The following PTPRD variants were observed in gnomAD, a reference collection of about 807,000 sequenced individuals.
PTPRD encodes protein tyrosine phosphatase receptor type D, also known as receptor-type tyrosine-protein phosphatase delta.
In PTPRD, 34 loss-of-function variants were observed where a neutral mutation model predicts 214.5. The ratio of observed to expected loss-of-function variants is 0.16; its 90% CI spans 0.12 to 0.21. The LOEUF (loss-of-function observed/expected upper bound fraction) is 0.21, where lower values mean the gene tolerates loss of function less well. Ranked by LOEUF, PTPRD falls within the 10% of genes least tolerant of loss-of-function variation. The probability of loss-of-function intolerance (pLI) is 1.00; values close to 1 mark genes in which losing one functional copy is unlikely to be tolerated. For synonymous variants in PTPRD, 1,128 were observed against 845.7 expected (o/e 1.33, Z -5.79); for missense variants, 2,545 against 2,398.7 (o/e 1.06, Z -1.27).
intron 7 of PTPRD, among the ~76,000 whole-genome samples, chr9:9,607,738 CTG>C (rs1246775148): frequency 7.6e-6 from 1 of 132,122 alleles, no homozygotes; most frequent in Non-Finnish European, 1.6e-5. Context: ...AAAGAATAGA[CTG>C]TTAGTAAAAA....
intron 3 of PTPRD, among the ~76,000 whole-genome samples, chr9:10,321,691 C>T (rs2096555607): frequency 6.6e-6 from 1 of 151,782 alleles, no homozygotes; most frequent in African/African-American, 2.4e-5. Context: ...TTAAAAGAAA[C>T]AATGGTGGGA....
At chr9:8,448,338 T>C (rs62534020) in intron 34 of PTPRD, among the ~76,000 whole-genome samples, 26,904 of 151,800 alleles carry the variant, frequency 0.18, 2,512 homozygotes, top group African/African-American at 0.2. Context: ...AAAAAACCCA[T>C]CAATCAAACA....
chr9:9,069,899 C>G (rs2099741245), intron 10 of PTPRD, among the ~76,000 whole-genome samples: 1 of 152,100 alleles, frequency 6.6e-6, no homozygotes, highest in South Asian at 2.1e-4. Flanking sequence ...TGAGGATCAT[C>G]TATTGCTTAT....
chr9:9,195,492 G>C (rs977955382), intron 9 of PTPRD, among the ~76,000 whole-genome samples: 4 of 152,066 alleles, frequency 2.6e-5, no homozygotes, highest in African/African-American at 7.2e-5. Flanking sequence ...ATTAAGTAGG[G>C]ACTGTGCTGG....
chr9:9,995,757 C>T (rs570571243), intron 4 of PTPRD, among the ~76,000 whole-genome samples: 79 of 152,222 alleles, frequency 5.2e-4, no homozygotes, highest in African/African-American at 1.8e-3. Flanking sequence ...CCCTGTCAGA[C>T]ATGTTTATTG....
At chr9:9,833,044 G>C (rs2055443575) in intron 5 of PTPRD, among the ~76,000 whole-genome samples, 1 of 151,936 alleles carries the variant, frequency 6.6e-6, no homozygotes, top group Non-Finnish European at 1.5e-5. Context: ...AGAAATTCAT[G>C]GTTCCTCTAA....
At position 8,836,587 on chromosome 9, in the gene PTPRD, C is replaced by CTTTTT. The variant is rs34572407; in HGVS notation, c.-103-102646_-103-102642dup. Among the ~76,000 whole-genome samples the CTTTTT allele has an allele frequency of 1.1e-3, 75 of 66,814 alleles. 7 individuals carry two copies. Among genetic ancestry groups the CTTTTT allele is most frequent in the South Asian group, 1.3e-3 (2 of 1,514 alleles). 43.8% of individuals were successfully genotyped at this position (66,814 alleles called of 152,430 possible). The stretch of plus-strand genomic sequence containing the variant: ...TTAAGTTCAGAGTATTAATAAAAAC[C>CTTTTT]TTTTTTTTTTTTTTTTTTTTTTTTT... On this transcript the variant is annotated intron_variant, in intron 11 of 45. Coordinates refer to ENST00000381196, the MANE Select transcript of PTPRD (RefSeq NM_002839.4).
chr9:8,571,318 T>A lies in PTPRD; in HGVS notation c.353-42539A>T, dbSNP rs535099905. ...AGCTGATTCCAACAAAAACAAAGCT[T>A]CATAGCTAACAATTACACGCTATTT... is the stretch of plus-strand genomic sequence containing the variant. On this transcript the variant is annotated intron_variant, in intron 14 of 45. Coordinates refer to ENST00000381196, the MANE Select transcript of PTPRD (RefSeq NM_002839.4). Among the ~76,000 whole-genome samples, 31 of 152,224 alleles carry A rather than the reference T, an allele frequency of 2.0e-4. 1 individual carries two copies. The East Asian group carries it at 6.0e-3, about 29-fold the overall frequency.
In PTPRD at chr9:8,624,271, T is replaced by C. The variant is rs575904354; in HGVS notation, c.352+9046A>G. 2.6e-4 allele frequency among the ~76,000 whole-genome samples: 39 copies of C among 152,082 alleles called. No homozygotes were observed. The East Asian group carries it at 7.6e-3, about 30-fold the overall frequency. On this transcript the variant is annotated intron_variant, in intron 14 of 45. Transcript: ENST00000381196. ...TGTGTACTAGCATAGCACCAATAAA[T>C]GATTTTCAGTCTTTCAAAATAACTT...
chr9:9,346,761 C>G (rs2048969890), intron 9 of PTPRD, among the ~76,000 whole-genome samples: 1 of 151,928 alleles, frequency 6.6e-6, no homozygotes, highest in Non-Finnish European at 1.5e-5. Flanking sequence ...GGCTCTATCT[C>G]AGCTCACTGC....
intron 14 of PTPRD, among the ~76,000 whole-genome samples, chr9:8,568,527 T>G (rs2090114121): frequency 6.6e-6 from 1 of 152,172 alleles, no homozygotes. Flanking sequence ...GAAAGGCTGA[T>G]TATTAACCTT....
At chr9:9,419,166 A>AC (rs1209794993) in intron 8 of PTPRD, among the ~76,000 whole-genome samples, 1 of 94,176 alleles carries the variant, frequency 1.1e-5, no homozygotes, top group South Asian at 3.6e-4. Flanking sequence ...CACACACACA[A>AC]GCATGATATA....
At chr9:8,485,087 C>T (rs369577583) in intron 29 of PTPRD, 140 bp downstream of exon 29, 30 of 659,412 alleles carry the variant, frequency 4.5e-5, no homozygotes, top group African/African-American at 3.3e-4. Flanking sequence ...AAACTGTCTC[C>T]CATGTGAAAG....
intron 7 of PTPRD, among the ~76,000 whole-genome samples, chr9:9,600,536 G>A (rs960590527): frequency 9.9e-5 from 15 of 152,102 alleles, no homozygotes; most frequent in African/African-American, 2.9e-4. Flanking sequence ...AGTGTCTTAC[G>A]AGGTGTGTGG....
intron 14 of PTPRD, among the ~76,000 whole-genome samples, chr9:8,605,826 C>G (rs949642739): frequency 6.6e-6 from 1 of 152,136 alleles, no homozygotes; most frequent in Non-Finnish European, 1.5e-5. Flanking sequence ...GCATACTCTA[C>G]TTACTAGGGA....
intron 9 of PTPRD, among the ~76,000 whole-genome samples, chr9:9,351,777 A>G (rs1038103889): frequency 6.6e-6 from 1 of 151,966 alleles, no homozygotes; most frequent in Non-Finnish European, 1.5e-5. Context: ...TAGGCTATGG[A>G]TTTGGTCAGC....
At chr9:9,779,074 C>A (rs532897252) in intron 5 of PTPRD, among the ~76,000 whole-genome samples, 1 of 18,116 alleles carries the variant, frequency 5.5e-5, no homozygotes, top group African/African-American at 3.5e-4. Context: ...TTTCATAAGA[C>A]TGACAAAAAA....
intron 7 of PTPRD, among the ~76,000 whole-genome samples, chr9:9,697,167 A>G (rs1048744145): frequency 6.6e-6 from 1 of 151,980 alleles, no homozygotes; most frequent in Non-Finnish European, 1.5e-5. Flanking sequence ...TATTTTTTTG[A>G]TAGATTGCTT....
chr9:8,818,100 C>A (rs1458119492), intron 11 of PTPRD, among the ~76,000 whole-genome samples: 2 of 152,162 alleles, frequency 1.3e-5, no homozygotes, highest in East Asian at 3.8e-4. Flanking sequence ...CAATTAAGAG[C>A]ATCTGAAACA....
Sources: allele counts gnomAD v4.1 joint callset (sites outside exome capture counted in the v4.1 genomes callset), GRCh38; gene constraint gnomAD v4.1.1; transcripts MANE v1.5; gene names NCBI Gene and HGNC (gene_info 2026-07-23, HGNC 2026-07-21).